MGAT4C: variants seen among roughly 807,000 people sequenced by gnomAD.
The protein encoded by MGAT4C is alpha-1,3-mannosyl-glycoprotein 4-beta-N-acetylglucosaminyltransferase C.
MGAT4C carries 19 observed loss-of-function variants against 40.1 expected under a neutral mutation model. That is an observed-to-expected ratio of 0.47 (90% CI 0.33 to 0.70). The LOEUF (loss-of-function observed/expected upper bound fraction) is 0.70. Among genes scored for constraint, MGAT4C ranks in the 30% least tolerant of loss-of-function variants. The pLI is 0.02. For missense variants in MGAT4C, 491 were observed against 563.2 expected, an observed-to-expected ratio of 0.87 and a Z score of 1.30; for synonymous variants, 181 against 187.1, an observed-to-expected ratio of 0.97 and a Z score of 0.27.
chr12:86,175,701 C>T (rs1887335021), intron 1 of MGAT4C, among the ~76,000 whole-genome samples: 1 of 150,250 alleles, frequency 6.7e-6, no homozygotes, highest in African/African-American at 2.5e-5. Flanking sequence ...CCTGTAATCC[C>T]AGCACTTTGG....
intron 3 of MGAT4C, among the ~76,000 whole-genome samples, chr12:86,349,169 A>G (rs1955104896): frequency 3.9e-5 from 6 of 152,158 alleles, no homozygotes; most frequent in Admixed American, 3.9e-4. Flanking sequence ...CTAACAAAGA[A>G]CTGGGATATA....
At chr12:86,562,027 G>T (rs1460320409) in intron 2 of MGAT4C, among the ~76,000 whole-genome samples, 1 of 152,084 alleles carries the variant, frequency 6.6e-6, no homozygotes, top group South Asian at 2.1e-4. Context: ...GAGAGGCAAG[G>T]AGTTTAGTGA....
intron 1 of MGAT4C, among the ~76,000 whole-genome samples, chr12:86,247,999 G>A (rs1952104604): frequency 6.6e-6 from 1 of 151,960 alleles, no homozygotes; most frequent in Non-Finnish European, 1.5e-5. Flanking sequence ...TAATAGTCTA[G>A]ATGTAGTTAT....
At position 86,395,422 on chromosome 12, in the gene MGAT4C, T is replaced by A. The variant is rs1028140808; in HGVS notation, c.-120+39735A>T. On this transcript the variant is annotated intron_variant, in intron 3 of 7. Transcript: ENST00000548651. ...AACCAATATACATTCAGGACATTTT[T>A]AAATTATGCTTTTAAAAAAGCACAG... is the stretch of plus-strand genomic sequence containing the variant. Among the ~76,000 whole-genome samples, 60 of 152,282 alleles carry A rather than the reference T, an allele frequency of 3.9e-4. 1 individual carries two copies. Among genetic ancestry groups the A allele is most frequent in the African/African-American group, 1.3e-3 (52 of 41,576 alleles).
intron 2 of MGAT4C, among the ~76,000 whole-genome samples, chr12:86,551,242 C>G (rs1192581654): frequency 6.6e-6 from 1 of 152,214 alleles, no homozygotes; most frequent in Admixed American, 6.5e-5. Flanking sequence ...AGCCCTGAGG[C>G]TGGCCAAACA....
At position 86,101,425 on chromosome 12, in the gene MGAT4C, T is replaced by C. The variant is rs528390462; in HGVS notation, c.-56-51702A>G. 5.3e-5 allele frequency among the ~76,000 whole-genome samples: 8 copies of C among 152,006 alleles called. No individual in the cohort carries two copies. In the South Asian group the frequency reaches 1.4e-3, roughly 28 times the overall value. Reference sequence around the variant, plus strand: ...AAATTCTTAACTGCTGCTTGAAATATATCAAGGATGACTGGGGATTTTTTA... The same window carrying C: ...AAATTCTTAACTGCTGCTTGAAATACATCAAGGATGACTGGGGATTTTTTA... On this transcript the variant is annotated intron_variant, in intron 1 of 4. Coordinates refer to ENST00000611864, the MANE Select transcript of MGAT4C (RefSeq NM_001351288.2).
At chr12:86,441,988 C>T (rs1293816354) in intron 2 of MGAT4C, among the ~76,000 whole-genome samples, 1 of 152,276 alleles carries the variant, frequency 6.6e-6, no homozygotes, top group East Asian at 1.9e-4. Context: ...TATTTCTCCA[C>T]ATCCTCTCCA....
rs1314199453 is a variant in MGAT4C, at chr12:86,667,135, G to A, written c.-229+60074C>T. On this transcript the variant is annotated intron_variant, in intron 2 of 7. Coordinates refer to the MGAT4C transcript ENST00000548651. ...ACATATAGTCTATAAAATATTCATG[G>A]AAGAAATTTTGTTGCAAAATATAAG... Among the ~76,000 whole-genome samples the A allele has an allele frequency of 2.6e-5, 4 of 152,238 alleles. No homozygotes were observed. The East Asian group carries it at 7.7e-4, about 29-fold the overall frequency.
chr12:86,836,879 A>G (rs1017308799), intron 1 of MGAT4C, among the ~76,000 whole-genome samples: 5 of 152,096 alleles, frequency 3.3e-5, no homozygotes, highest in Admixed American at 2.0e-4. Flanking sequence ...GTTCCCTGAA[A>G]TGCTTTCTTT....
At chr12:86,804,173 A>T (rs1394988670) in intron 1 of MGAT4C, among the ~76,000 whole-genome samples, 1 of 151,002 alleles carries the variant, frequency 6.6e-6, no homozygotes, top group Non-Finnish European at 1.5e-5. Flanking sequence ...AGAACAAAAA[A>T]CCAAACACTG....
chr12:86,163,723 G>A (rs750054320), intron 1 of MGAT4C, among the ~76,000 whole-genome samples: 8 of 152,142 alleles, frequency 5.3e-5, no homozygotes, highest in Middle Eastern at 3.4e-3. Context: ...ACTGGATAAC[G>A]TGAAACATTT....
chr12:86,328,647 G>A (rs1954582185), intron 4 of MGAT4C, among the ~76,000 whole-genome samples: 3 of 151,918 alleles, frequency 2.0e-5, no homozygotes, highest in Non-Finnish European at 2.9e-5. Flanking sequence ...TTGCTTCAAC[G>A]AGAAATAATA....
rs570656564 is a variant in MGAT4C, at chr12:86,595,470, G to A, written c.-229+131739C>T. Among the ~76,000 whole-genome samples, 19 of 151,618 alleles carry A rather than the reference G, an allele frequency of 1.3e-4. No individual in the cohort carries two copies. In the South Asian group the frequency reaches 3.8e-3, roughly 30 times the overall value. On this transcript the variant is annotated intron_variant, in intron 2 of 7. Transcript: ENST00000548651. ...CGCTTGAATCCGTGAGGCGGAGGTT[G>A]CAGTGAGCAGAGATTGTACCACTGC...
chr12:86,420,458 C>T (rs1956798457), intron 3 of MGAT4C, among the ~76,000 whole-genome samples: 1 of 152,022 alleles, frequency 6.6e-6, no homozygotes, highest in African/African-American at 2.4e-5. Flanking sequence ...GGTAGCAAGA[C>T]TATTCATTGG....
intron 1 of MGAT4C, among the ~76,000 whole-genome samples, chr12:86,178,358 A>C (rs1887728326): frequency 6.6e-6 from 1 of 152,248 alleles, no homozygotes; most frequent in South Asian, 2.1e-4. Context: ...CATAGAGCAT[A>C]TTGGCTGGGT....
At chr12:86,044,516 G>T (rs897277261) in intron 2 of MGAT4C, among the ~76,000 whole-genome samples, 6 of 152,132 alleles carry the variant, frequency 3.9e-5, no homozygotes, top group Non-Finnish European at 7.4e-5. Flanking sequence ...GGGAGGCAAG[G>T]TCCACTCGCA....
At chr12:86,678,970 G>A (rs1198066873) in intron 2 of MGAT4C, among the ~76,000 whole-genome samples, 1 of 152,018 alleles carries the variant, frequency 6.6e-6, no homozygotes, top group Non-Finnish European at 1.5e-5. Context: ...GGGTCAAATG[G>A]TATTTCTAGC....
intron 2 of MGAT4C, among the ~76,000 whole-genome samples, chr12:86,506,864 G>A (rs1467908066): frequency 6.6e-6 from 1 of 152,122 alleles, no homozygotes; most frequent in Non-Finnish European, 1.5e-5. Context: ...GAAGGGGTAA[G>A]GCTAAGGAAA....
chr12:86,420,637 G>A (rs866845791), intron 3 of MGAT4C, among the ~76,000 whole-genome samples: 17 of 151,850 alleles, frequency 1.1e-4, no homozygotes, highest in Admixed American at 2.0e-4. Flanking sequence ...ATTTTGCTTT[G>A]AGATGTATAA....
Sources: allele counts gnomAD v4.1 joint callset (sites outside exome capture counted in the v4.1 genomes callset), GRCh38; gene constraint gnomAD v4.1.1; transcripts MANE v1.5; gene names NCBI Gene and HGNC (gene_info 2026-07-23, HGNC 2026-07-21).